The following SOS1 variants were observed in gnomAD, a reference collection of about 807,000 sequenced individuals.
SOS1 encodes the protein son of sevenless homolog 1.
In SOS1, 25 loss-of-function variants were observed where a neutral mutation model predicts 157.6. That is an observed-to-expected ratio of 0.16 (90% confidence interval 0.12 to 0.22). The LOEUF is 0.22. SOS1 is among the 10% of genes least tolerant of loss of function. SOS1 has a pLI of 1.00. For synonymous variants in SOS1, 528 were observed against 534.0 expected, an observed-to-expected ratio of 0.99 and a Z score of 0.16; for missense variants, 1,237 against 1,599.1, an observed-to-expected ratio of 0.77 and a Z score of 3.86.
chr2:39,049,967 G>A (rs1454220), intron 6 of SOS1, among the ~76,000 whole-genome samples: 140,288 of 152,194 alleles, frequency 0.92, 64,766 homozygotes, highest in African/African-American at 0.96. Context: ...TTAACAGCCT[G>A]AACACCCAGA....
intron 17 of SOS1, among the ~76,000 whole-genome samples, chr2:39,003,066 C>CAAAAA (rs57338404): frequency 2.8e-5 from 2 of 72,308 alleles, no homozygotes; most frequent in African/African-American, 8.0e-5. Flanking sequence ...GACCTTGTAT[C>CAAAAA]AAAAAAAAAA....
rs777730053 is a variant in SOS1 at position 39,022,635 on chromosome 2, A to G, written c.1793T>C (p.Ile598Thr). ...FEENMQPKAG[I>T]PIIKAGTVIK... ...AACAGTTCCTGCTTTGATAATTGGAATTCCAGCCTTGGGCTGCATGTTCTC... is the reference window on the plus strand; with the variant it reads ...AACAGTTCCTGCTTTGATAATTGGAGTTCCAGCCTTGGGCTGCATGTTCTC... Residue 598 changes from isoleucine (I) to threonine (T), a missense_variant, in exon 10 of 23, where the codon ATT becomes ACT. Around this residue, in one of 15 missense-constraint regions of SOS1, gnomAD observed 210 missense variants for 220.2 expected, o/e 0.95. Transcript: ENST00000402219. 6.2e-7 allele frequency: 1 copy of G among 1,613,432 alleles called. No individual in the cohort carries two copies. Among genetic ancestry groups the G allele is most frequent in the Non-Finnish European group, 8.5e-7 (1 of 1,179,440 alleles).
chr2:39,077,529 GAAC>G (rs1380867444), intron 1 of SOS1, among the ~76,000 whole-genome samples: 4 of 151,972 alleles, frequency 2.6e-5, no homozygotes, highest in African/African-American at 4.8e-5. Flanking sequence ...GAAGAGCCAA[GAAC>G]AACTAAGGCA....
chr2:39,020,187 A>C (rs1669754741), intron 10 of SOS1, among the ~76,000 whole-genome samples: 1 of 151,570 alleles, frequency 6.6e-6, no homozygotes, highest in Admixed American at 6.6e-5. Flanking sequence ...TACAAAGTGA[A>C]GGCTTGGGCA....
intron 1 of SOS1, among the ~76,000 whole-genome samples, chr2:39,082,225 A>C (rs919542745): frequency 3.9e-5 from 6 of 152,192 alleles, no homozygotes; most frequent in Non-Finnish European, 8.8e-5. Flanking sequence ...TTTAAGACTA[A>C]TTGGAAATAG....
At chr2:39,043,344 C>T (rs971020875) in intron 6 of SOS1, among the ~76,000 whole-genome samples, 4 of 152,022 alleles carry the variant, frequency 2.6e-5, no homozygotes, top group Non-Finnish European at 5.9e-5. Flanking sequence ...GTATCATAAA[C>T]TGATTTTTCA....
rs1196506413 is a variant in SOS1 at position 39,004,292 on chromosome 2, G to A, written c.2791+2120C>T. On this transcript the variant is annotated intron_variant, in intron 17 of 22. Coordinates refer to ENST00000402219, the MANE Select transcript of SOS1 (RefSeq NM_005633.4). ...AAATTAGCTGGGTGTGGTGGTGGGC[G>A]CCTGTAGTCCCAGCTACTTGGGAGG... Among the ~76,000 whole-genome samples the A allele has an allele frequency of 4.6e-5, 7 of 151,112 alleles. No homozygotes were observed. The South Asian group carries it at 8.4e-4, about 18-fold the overall frequency.
intron 18 of SOS1, 85 bp downstream of exon 18, chr2:38,997,168 T>C: frequency 1.7e-6 from 2 of 1,177,440 alleles, no homozygotes; most frequent in South Asian, 2.7e-5. Context: ...ATTTTACTTT[T>C]TCTCCCCTAT....
At chr2:39,093,479 G>T (rs1007836121) in intron 1 of SOS1, among the ~76,000 whole-genome samples, 7 of 152,068 alleles carry the variant, frequency 4.6e-5, no homozygotes, top group African/African-American at 1.7e-4. Flanking sequence ...CCATTGCCAA[G>T]TATATAAGCA....
At chr2:39,078,752 G>T (rs1483212764) in intron 1 of SOS1, among the ~76,000 whole-genome samples, 1 of 151,964 alleles carries the variant, frequency 6.6e-6, no homozygotes, top group African/African-American at 2.4e-5. Context: ...CACAAAACCA[G>T]TCCCTGGTGC....
In SOS1 at chr2:39,120,939, G is replaced by A. The variant is rs1673860101; in HGVS notation, c.-517C>T. 1.2e-5 allele frequency: 2 copies of A among 164,714 alleles called. No individual in the cohort carries two copies. Among genetic ancestry groups the A allele is most frequent in the Non-Finnish European group, 1.3e-5 (1 of 77,038 alleles). 10.2% of individuals were successfully genotyped at this position (164,714 alleles called of 1,614,324 possible). On this transcript the variant is annotated 5_prime_UTR_variant, in exon 1 of 23. Coordinates refer to ENST00000402219, the MANE Select transcript of SOS1 (RefSeq NM_005633.4). ...TCGCGGGGAAGGGGAAGGACCGGAG[G>A]TCGTTGTTGGGGAATCTGGCTGCCC...
chr2:39,052,857 A>G (rs1671070240), intron 5 of SOS1, among the ~76,000 whole-genome samples: 1 of 152,226 alleles, frequency 6.6e-6, no homozygotes. Context: ...ATTGTTATAA[A>G]GAACTGCCAA....
intron 1 of SOS1, among the ~76,000 whole-genome samples, chr2:39,105,227 T>G (rs1296385241): frequency 6.6e-6 from 1 of 152,088 alleles, no homozygotes. Context: ...AAAGTTTGTA[T>G]CAATTAAAAA....
At chr2:39,010,736 C>CT (rs1432774301) in intron 14 of SOS1, 33 bp from the exon 15 acceptor site, 1 of 1,557,616 alleles carries the variant, frequency 6.4e-7, no homozygotes. Context: ...CTACATGACA[C>CT]TTTTTTCTCT....
At chr2:39,101,792 G>T in intron 1 of SOS1, among the ~76,000 whole-genome samples, 1 of 152,106 alleles carries the variant, frequency 6.6e-6, no homozygotes, top group Non-Finnish European at 1.5e-5. Context: ...TGTACTCCAG[G>T]TAACACCAGG....
chr2:39,123,148 C>A (rs1399487402), upstream of SOS1, among the ~76,000 whole-genome samples: 2 of 152,294 alleles, frequency 1.3e-5, no homozygotes, highest in East Asian at 3.9e-4. Flanking sequence ...CCTAGAACCC[C>A]TAACTGTTCC....
intron 1 of SOS1, among the ~76,000 whole-genome samples, chr2:39,081,815 C>CA (rs1003161101): frequency 1.3e-3 from 184 of 136,690 alleles, no homozygotes; most frequent in East Asian, 6.2e-3. Flanking sequence ...GACTCTGTCT[C>CA]AAAAAAAAAA....
chr2:38,996,117 T>G (rs898835253), intron 19 of SOS1, among the ~76,000 whole-genome samples: 1 of 152,128 alleles, frequency 6.6e-6, no homozygotes, highest in Admixed American at 6.5e-5. Context: ...CGAGTCTTGC[T>G]CTGTCTCCCA....
intron 1 of SOS1, among the ~76,000 whole-genome samples, chr2:39,107,674 A>AAC (rs1673251188): frequency 6.6e-6 from 1 of 152,038 alleles, no homozygotes; most frequent in African/African-American, 2.4e-5. Context: ...AAAAAAAAAA[A>AAC]AAAAAAACCT....
Sources: gnomAD v4.1 joint callset for allele counts (sites outside exome capture counted in the v4.1 genomes callset) on GRCh38, gnomAD v4.1.1 for gene constraint, gnomAD v4.1.1 regional missense constraint, MANE v1.5 for transcripts, NCBI Gene and HGNC (gene_info 2026-07-23, HGNC 2026-07-21) for gene names.